The following LRMDA variants were observed in gnomAD, a reference collection of about 807,000 sequenced individuals.
The protein encoded by LRMDA is leucine-rich melanocyte differentiation-associated protein.
LRMDA carries 18 observed loss-of-function variants against 29.8 expected under a neutral mutation model. The observed-to-expected ratio is 0.60, with a 90% CI of 0.42 to 0.90. LRMDA has a LOEUF of 0.90. Among genes scored for constraint, LRMDA ranks in the 40% least tolerant of loss-of-function variants. LRMDA has a pLI of 0.00. For missense variants in LRMDA, 273 were observed against 273.9 expected, an observed-to-expected ratio of 1.00 and a Z score of 0.02; for synonymous variants, 125 against 109.4, an observed-to-expected ratio of 1.14 and a Z score of -0.89.
intron 5 of LRMDA, among the ~76,000 whole-genome samples, chr10:76,316,216 A>G (rs1245814761): frequency 6.6e-6 from 1 of 152,182 alleles, no homozygotes; most frequent in Non-Finnish European, 1.5e-5. Flanking sequence ...CGCCCTCTTT[A>G]GGGCTCTGTG....
At chr10:76,215,090 G>T (rs1898083) in intron 5 of LRMDA, among the ~76,000 whole-genome samples, 3 of 152,140 alleles carry the variant, frequency 2.0e-5, no homozygotes, top group Admixed American at 2.0e-4. Flanking sequence ...GAGGAGCACT[G>T]GGTTGAGAAT....
intron 2 of LRMDA, among the ~76,000 whole-genome samples, chr10:75,790,431 TA>T (rs1354012611): frequency 6.6e-6 from 1 of 152,216 alleles, no homozygotes; most frequent in Non-Finnish European, 1.5e-5. Context: ...CAGATGTTGC[TA>T]AAATTATTTT....
intron 5 of LRMDA, among the ~76,000 whole-genome samples, chr10:76,320,330 A>T (rs562179426): frequency 1.3e-5 from 2 of 152,208 alleles, no homozygotes; most frequent in South Asian, 4.1e-4. Flanking sequence ...GCTTTGATGT[A>T]TCTTCAGCAG....
At chr10:76,140,592 A>G (rs991235070) in intron 5 of LRMDA, among the ~76,000 whole-genome samples, 1 of 152,132 alleles carries the variant, frequency 6.6e-6, no homozygotes, top group African/African-American at 2.4e-5. Context: ...CTTTGGCAGC[A>G]TGGGAACTTT....
At chr10:76,445,161 T>G (rs1357814083) in intron 6 of LRMDA, among the ~76,000 whole-genome samples, 1 of 152,104 alleles carries the variant, frequency 6.6e-6, no homozygotes, top group Non-Finnish European at 1.5e-5. Context: ...CCCTTCTCCA[T>G]GATTTGGTAG....
At chr10:75,595,676 ATAATT>A (rs1840777773) in intron 2 of LRMDA, among the ~76,000 whole-genome samples, 1 of 151,166 alleles carries the variant, frequency 6.6e-6, no homozygotes, top group Non-Finnish European at 1.5e-5. Flanking sequence ...ATTAAGAATG[ATAATT>A]TAAAAGCAAA....
Position 76,539,698 on chromosome 10 carries a change from G to A in LRMDA, c.602-17511G>A, listed in dbSNP as rs1843331666. Among the ~76,000 whole-genome samples the A allele has an allele frequency of 2.0e-5, 3 of 152,128 alleles. No homozygotes were observed. In the South Asian group the frequency reaches 6.2e-4, roughly 32 times the overall value. Reference sequence around the variant, plus strand: ...TCCTTCAGTCAAGTCAGCTGTATTTGTGGAGGTGCATTGTTCAGTCTCAGA... The same window carrying A: ...TCCTTCAGTCAAGTCAGCTGTATTTATGGAGGTGCATTGTTCAGTCTCAGA... On this transcript the variant is annotated intron_variant, in intron 6 of 6. Coordinates refer to ENST00000611255, the MANE Select transcript of LRMDA (RefSeq NM_001305581.2).
At chr10:76,138,763 T>A (rs538788809) in intron 5 of LRMDA, among the ~76,000 whole-genome samples, 10 of 152,336 alleles carry the variant, frequency 6.6e-5, no homozygotes, top group Non-Finnish European at 1.2e-4. Context: ...TTTCTAGAAG[T>A]TATTACTTTA....
intron 6 of LRMDA, among the ~76,000 whole-genome samples, chr10:76,384,193 T>G (rs1841631838): frequency 6.6e-6 from 1 of 152,212 alleles, no homozygotes; most frequent in African/African-American, 2.4e-5. Context: ...ACAGTAAAGT[T>G]TATGTCATTT....
chr10:75,948,649 G>T (rs940560016), intron 2 of LRMDA, among the ~76,000 whole-genome samples: 1 of 152,126 alleles, frequency 6.6e-6, no homozygotes, highest in Non-Finnish European at 1.5e-5. Flanking sequence ...TTAGGATTTG[G>T]TTTCTACTGT....
intron 2 of LRMDA, among the ~76,000 whole-genome samples, chr10:75,958,469 G>C (rs1201013797): frequency 6.6e-6 from 1 of 152,036 alleles, no homozygotes; most frequent in African/African-American, 2.4e-5. Flanking sequence ...CATTTGTGTT[G>C]GTTTTGGCAT....
intron 6 of LRMDA, among the ~76,000 whole-genome samples, chr10:76,445,237 A>C (rs1842343231): frequency 6.6e-6 from 1 of 152,160 alleles, no homozygotes; most frequent in South Asian, 2.1e-4. Flanking sequence ...GTATCACAAC[A>C]CTTGCTGTGG....
chr10:76,469,422 T>C lies in LRMDA; in HGVS notation c.602-87787T>C, dbSNP rs59834787. Among the ~76,000 whole-genome samples, 3 of 152,222 alleles carry C rather than the reference T, an allele frequency of 2.0e-5. No homozygotes were observed. The East Asian group carries it at 5.8e-4, about 30-fold the overall frequency. ...CACAGGTGAAGCTAACTGAGAACAC[T>C]TGGGCCCTCATCATTCTTGCTCAAG... On this transcript the variant is annotated intron_variant, in intron 6 of 6. Coordinates refer to ENST00000611255, the MANE Select transcript of LRMDA (RefSeq NM_001305581.2).
intron 2 of LRMDA, among the ~76,000 whole-genome samples, chr10:75,533,888 A>G (rs1041769224): frequency 6.6e-6 from 1 of 152,210 alleles, no homozygotes; most frequent in Non-Finnish European, 1.5e-5. Context: ...AGACAAAATA[A>G]AATGTACATG....
intron 6 of LRMDA, among the ~76,000 whole-genome samples, chr10:76,531,926 C>A (rs562844639): frequency 6.6e-6 from 1 of 152,202 alleles, no homozygotes; most frequent in Non-Finnish European, 1.5e-5. Context: ...CTTCATGGGC[C>A]AATAGTGAAC....
chr10:76,043,686 G>A (rs982858195), intron 3 of LRMDA, among the ~76,000 whole-genome samples: 1 of 152,276 alleles, frequency 6.6e-6, no homozygotes, highest in Middle Eastern at 3.4e-3. Context: ...TACAAGTGAA[G>A]GTTCACTCAA....
At chr10:75,586,364 TTTTTTA>T (rs1265555839) in intron 2 of LRMDA, among the ~76,000 whole-genome samples, 121 of 137,876 alleles carry the variant, frequency 8.8e-4, no homozygotes, top group African/African-American at 3.2e-3. Flanking sequence ...TTTTTTTTTT[TTTTTTA>T]AATTAGAGAC....
chr10:76,521,584 TTCCTTA>T, intron 6 of LRMDA, among the ~76,000 whole-genome samples: 1 of 152,330 alleles, frequency 6.6e-6, no homozygotes, highest in South Asian at 2.1e-4. Context: ...GGGGAATTAG[TTCCTTA>T]GAATAAACAT....
chr10:76,451,161 A>T (rs569500878), intron 6 of LRMDA, among the ~76,000 whole-genome samples: 1 of 151,514 alleles, frequency 6.6e-6, no homozygotes, highest in Non-Finnish European at 1.5e-5. Context: ...GATGTACTTA[A>T]TTTGGGATGT....
Sources: gnomAD v4.1 joint callset for allele counts (sites outside exome capture counted in the v4.1 genomes callset) on GRCh38, gnomAD v4.1.1 for gene constraint, MANE v1.5 for transcripts, NCBI Gene and HGNC (gene_info 2026-07-23, HGNC 2026-07-21) for gene names.